Variants in AKAP19 observed in about 807,000 individuals in gnomAD.
AKAP19 encodes A-kinase anchoring protein 19.
chr2:189,926,599 T>G, the AKAP19 span, among the ~76,000 whole-genome samples: 1 of 141,390 alleles, frequency 7.1e-6, no homozygotes, highest in Non-Finnish European at 1.5e-5. Flanking sequence ...TTTTTTTTTT[T>G]TTTTTGAGAC....
chr2:189,936,872 C>A, the AKAP19 span, among the ~76,000 whole-genome samples: 1 of 152,178 alleles, frequency 6.6e-6, no homozygotes, highest in Non-Finnish European at 1.5e-5. Context: ...TGCCTGTAAT[C>A]CCAGCACTTT....
At chr2:189,975,047 C>A in the AKAP19 span, among the ~76,000 whole-genome samples, 1 of 152,006 alleles carries the variant, frequency 6.6e-6, no homozygotes, top group African/African-American at 2.4e-5. Context: ...TTATTTTGCT[C>A]GTTAGTAGAT....
the AKAP19 span, among the ~76,000 whole-genome samples, chr2:190,145,427 T>C: frequency 6.6e-6 from 1 of 152,226 alleles, no homozygotes; most frequent in Non-Finnish European, 1.5e-5. Flanking sequence ...AAAATTGCAG[T>C]TGATTTTACA....
At chr2:190,097,266 G>A in the AKAP19 span, among the ~76,000 whole-genome samples, 9 of 151,290 alleles carry the variant, frequency 5.9e-5, no homozygotes, top group South Asian at 4.2e-4. Flanking sequence ...GTTGTTTCCC[G>A]CCATGTGTCT....
At chr2:190,019,347 C>G in the AKAP19 span, among the ~76,000 whole-genome samples, 3 of 152,104 alleles carry the variant, frequency 2.0e-5, no homozygotes, top group African/African-American at 7.2e-5. Context: ...ATCTTCTGCC[C>G]TTTGCCAAAA....
chr2:190,133,709 T>C, the AKAP19 span, among the ~76,000 whole-genome samples: 1 of 152,168 alleles, frequency 6.6e-6, no homozygotes, highest in Admixed American at 6.5e-5. Context: ...ACCTTGAAGA[T>C]ATTATGTTAA....
the AKAP19 span, among the ~76,000 whole-genome samples, chr2:189,927,767 C>G: frequency 6.6e-6 from 1 of 152,036 alleles, no homozygotes; most frequent in Non-Finnish European, 1.5e-5. Flanking sequence ...AGTATATAAG[C>G]CTGTGCTGTT....
chr2:190,164,593 A>T, the AKAP19 span, among the ~76,000 whole-genome samples: 4 of 152,228 alleles, frequency 2.6e-5, no homozygotes, highest in East Asian at 1.9e-4. Context: ...ATTTATTTAG[A>T]ATATTGGTAC....
the AKAP19 span, among the ~76,000 whole-genome samples, chr2:189,965,516 G>C: frequency 6.6e-6 from 1 of 151,842 alleles, no homozygotes; most frequent in Non-Finnish European, 1.5e-5. Context: ...TCAAAAGAAA[G>C]TGTACAAATG....
the AKAP19 span, among the ~76,000 whole-genome samples, chr2:190,074,454 C>A: frequency 6.6e-6 from 1 of 152,028 alleles, no homozygotes; most frequent in African/African-American, 2.4e-5. Flanking sequence ...AGATCAAGAC[C>A]ATCCTGGCCA....
chr2:189,894,528 A>G, the AKAP19 span, among the ~76,000 whole-genome samples: 1 of 151,980 alleles, frequency 6.6e-6, no homozygotes, highest in Non-Finnish European at 1.5e-5. Flanking sequence ...CTACCTAATC[A>G]ATTTTAGACT....
the AKAP19 span, among the ~76,000 whole-genome samples, chr2:190,190,540 G>A: frequency 0.4 from 61,354 of 151,980 alleles, 14,487 homozygotes; most frequent in East Asian, 0.66. Context: ...TAAAATACCT[G>A]TGTTTCCATT....
the AKAP19 span, among the ~76,000 whole-genome samples, chr2:190,099,319 G>A: frequency 6.6e-6 from 1 of 152,112 alleles, no homozygotes; most frequent in Admixed American, 6.5e-5. Context: ...ACCATCGTAG[G>A]GTTATTAACT....
the AKAP19 span, chr2:190,057,657 A>G: frequency 6.2e-7 from 1 of 1,612,226 alleles, no homozygotes; most frequent in Non-Finnish European, 8.5e-7. Context: ...AAAGGAAAGA[A>G]CAATCAGTAA....
chr2:189,923,863 A>G, the AKAP19 span: 8 of 1,611,074 alleles, frequency 5.0e-6, no homozygotes, highest in Non-Finnish European at 6.8e-6. Flanking sequence ...GAAAGTTGAA[A>G]GGAGATGACC....
chr2:190,194,805 G>C, the AKAP19 span, among the ~76,000 whole-genome samples: 1 of 151,864 alleles, frequency 6.6e-6, no homozygotes, highest in Non-Finnish European at 1.5e-5. Flanking sequence ...CTTTCAGATT[G>C]GCTTAACTTA....
the AKAP19 span, among the ~76,000 whole-genome samples, chr2:189,955,557 G>A: frequency 6.6e-6 from 1 of 152,114 alleles, no homozygotes; most frequent in African/African-American, 2.4e-5. Flanking sequence ...TTCCATAGAG[G>A]TTGTACTAAT....
At chr2:189,964,188 T>G in the AKAP19 span, among the ~76,000 whole-genome samples, 2 of 152,196 alleles carry the variant, frequency 1.3e-5, no homozygotes, top group African/African-American at 4.8e-5. Context: ...TCAGAGCTCT[T>G]TTTTGGGTGA....
chr2:189,912,261 C>T, the AKAP19 span, among the ~76,000 whole-genome samples: 1 of 151,948 alleles, frequency 6.6e-6, no homozygotes, highest in Non-Finnish European at 1.5e-5. Context: ...CTGGATATGG[C>T]TGGGTGCGAT....
Sources: allele counts gnomAD v4.1 joint callset (sites outside exome capture counted in the v4.1 genomes callset), GRCh38; gene constraint gnomAD v4.1.1; transcripts MANE v1.5; gene names NCBI Gene and HGNC (gene_info 2026-07-23, HGNC 2026-07-21).